Variants in GABRG1 observed in about 807,000 individuals in gnomAD.
The protein encoded by GABRG1 is gamma-aminobutyric acid receptor subunit gamma-1.
GABRG1 carries 49 observed loss-of-function variants against 49.8 expected under a neutral mutation model. The observed-to-expected ratio is 0.98, with a 90% CI of 0.78 to 1.25. GABRG1 has a LOEUF of 1.25. Ranked by LOEUF, GABRG1 falls within the 50% of genes most tolerant of loss-of-function variation. The probability of loss-of-function intolerance (pLI) is 0.00; values close to 1 mark genes in which losing one functional copy is unlikely to be tolerated. For synonymous variants in GABRG1, 232 were observed against 185.1 expected, an observed-to-expected ratio of 1.25 and a Z score of -2.06; for missense variants, 552 against 552.3, an observed-to-expected ratio of 1.00 and a Z score of 0.01.
intron 5 of GABRG1, among the ~76,000 whole-genome samples, chr4:46,062,267 G>T (rs955662972): frequency 1.3e-5 from 2 of 151,748 alleles, no homozygotes; most frequent in Non-Finnish European, 2.9e-5. Flanking sequence ...TCTTAATCCA[G>T]TCTATCATTG....
intron 3 of GABRG1, among the ~76,000 whole-genome samples, chr4:46,067,016 A>C (rs1718943779): frequency 6.6e-6 from 1 of 151,868 alleles, no homozygotes; most frequent in Non-Finnish European, 1.5e-5. Context: ...GATTACTTGC[A>C]CTTGATGTCG....
chr4:46,047,665 ATTGTTATTT>A, intron 8 of GABRG1, among the ~76,000 whole-genome samples: 1 of 151,990 alleles, frequency 6.6e-6, no homozygotes, highest in South Asian at 2.1e-4. Flanking sequence ...AAATAAAAAT[ATTGTTATTT>A]AAAAATAATA....
chr4:46,070,158 T>C (rs1719064208), intron 3 of GABRG1, among the ~76,000 whole-genome samples: 1 of 151,946 alleles, frequency 6.6e-6, no homozygotes, highest in Non-Finnish European at 1.5e-5. Context: ...AATTACCAAT[T>C]TCCAATGATT....
At chr4:46,089,935 G>C (rs1354087277) in intron 2 of GABRG1, among the ~76,000 whole-genome samples, 1 of 152,024 alleles carries the variant, frequency 6.6e-6, no homozygotes, top group East Asian at 1.9e-4. Context: ...CTGCACTCCA[G>C]CCTGGATGAC....
intron 8 of GABRG1, among the ~76,000 whole-genome samples, chr4:46,049,497 A>G (rs1470563612): frequency 6.6e-6 from 1 of 151,924 alleles, no homozygotes; most frequent in Non-Finnish European, 1.5e-5. Context: ...TTTGGTACTC[A>G]AGTAGTCAAT....
rs1233092971 is a variant in GABRG1 at position 46,051,532 on chromosome 4, G to A, written c.1023C>T (p.Phe341=). Residue 341 remains phenylalanine, a synonymous_variant, in exon 8 of 9, where the codon TTC becomes TTT. Transcript: ENST00000295452. ...TAMDLFVSVC[F]IFVFAALMEY... ...CCATCAAGGCTGCAAAAACAAAAAT[G>A]AAACAAACAGAAACAAAGAGATCCA... is the stretch of plus-strand genomic sequence containing the variant. The A allele has an allele frequency of 6.2e-7, 1 of 1,611,488 alleles. No individual in the cohort carries two copies. The highest frequency in any genetic ancestry group is 1.1e-5 in the South Asian group (1 of 91,006).
chr4:46,091,063 A>G, intron 2 of GABRG1, among the ~76,000 whole-genome samples: 1 of 151,704 alleles, frequency 6.6e-6, no homozygotes, highest in East Asian at 1.9e-4. Flanking sequence ...AATTGTACGT[A>G]TGTGATGTTG....
intron 8 of GABRG1, 142 bp downstream of exon 8, chr4:46,051,282 G>A (rs754967060): frequency 1.9e-5 from 12 of 618,308 alleles, no homozygotes; most frequent in Non-Finnish European, 3.1e-5. Context: ...AGCAATGTTA[G>A]GTACTCCAGT....
rs752046529 is a variant in GABRG1 at position 46,051,511 on chromosome 4, C to T, written c.1044G>A (p.Leu348=). 4.3e-6 allele frequency: 7 copies of T among 1,611,336 alleles called. No homozygotes were observed. In the East Asian group the frequency reaches 1.6e-4, roughly 36 times the overall value. Residue 348 remains leucine, a synonymous_variant, in exon 8 of 9, where the codon TTG becomes TTA. Transcript: ENST00000295452. The part of the protein sequence containing the change: ...SVCFIFVFAA[L]MEYGTLHYFT... ...AATAATGCAAGGTTCCATATTCCAT[C>T]AAGGCTGCAAAAACAAAAATGAAAC...
chr4:46,102,559 C>A (rs1720416279), intron 1 of GABRG1, among the ~76,000 whole-genome samples: 1 of 151,624 alleles, frequency 6.6e-6, no homozygotes, highest in Non-Finnish European at 1.5e-5. Flanking sequence ...GCATTTCTCT[C>A]TTACAAGTCT....
At chr4:46,089,963 C>T (rs1440864384) in intron 2 of GABRG1, among the ~76,000 whole-genome samples, 2 of 151,526 alleles carry the variant, frequency 1.3e-5, no homozygotes, top group Admixed American at 6.6e-5. Flanking sequence ...GACCATGCCT[C>T]AAAAAAATAA....
chr4:46,038,934 T>C lies in GABRG1; in HGVS notation c.*2054A>G, dbSNP rs1215635147. The stretch of plus-strand genomic sequence containing the variant: ...TATTTTTTTTCTTTTACATAGAACG[T>C]GGTTCAGAAGGAAAAGCTATTTATA... On this transcript the variant is annotated 3_prime_UTR_variant, in exon 9 of 9. Coordinates refer to ENST00000295452, the MANE Select transcript of GABRG1 (RefSeq NM_173536.4). The C allele has an allele frequency of 1.3e-5, 2 of 151,704 alleles. No individual in the cohort carries two copies. The highest frequency in any genetic ancestry group is 1.3e-4 in the Admixed American group (2 of 15,192). 9.4% of individuals were successfully genotyped at this position (151,704 alleles called of 1,614,324 possible).
At chr4:46,054,111 T>G (rs1718351093) in intron 7 of GABRG1, among the ~76,000 whole-genome samples, 1 of 57,216 alleles carries the variant, frequency 1.7e-5, no homozygotes, top group South Asian at 4.4e-4. Flanking sequence ...GGGAATCCTT[T>G]CCCCATTGCT....
rs1208967173 is a variant in GABRG1, at chr4:46,037,409, A to G, written c.*3579T>C. The G allele has an allele frequency of 6.6e-6, 1 of 151,824 alleles. No individual in the cohort carries two copies. Among genetic ancestry groups the G allele is most frequent in the Non-Finnish European group, 1.5e-5 (1 of 67,856 alleles). The allele number at this position is 151,824 out of a possible 1,614,324, so 9.4% of individuals were successfully genotyped here. ...CAAGACCTTCCTAGCAGTAAAAAGC[A>G]ATAAAGAATGACCAACAAAAATGGA... On this transcript the variant is annotated 3_prime_UTR_variant, in exon 9 of 9. Transcript: ENST00000295452.
At chr4:46,079,195 G>A (rs1222452237) in intron 3 of GABRG1, among the ~76,000 whole-genome samples, 1 of 151,512 alleles carries the variant, frequency 6.6e-6, no homozygotes, top group African/African-American at 2.4e-5. Context: ...TCTGTCATTT[G>A]CTAAGTTAGC....
chr4:46,106,889 A>G (rs1720566286), intron 1 of GABRG1, among the ~76,000 whole-genome samples: 1 of 151,144 alleles, frequency 6.6e-6, no homozygotes, highest in Non-Finnish European at 1.5e-5. Context: ...TCCAGCTCCA[A>G]ACGCAACTAC....
chr4:46,049,652 A>G (rs1013726422), intron 8 of GABRG1, among the ~76,000 whole-genome samples: 1 of 151,976 alleles, frequency 6.6e-6, no homozygotes, highest in African/African-American at 2.4e-5. Flanking sequence ...TGGATTAAAA[A>G]TAGTAACTAT....
chr4:46,056,588 C>T (rs934215655), intron 7 of GABRG1, among the ~76,000 whole-genome samples: 1 of 152,048 alleles, frequency 6.6e-6, no homozygotes, highest in Non-Finnish European at 1.5e-5. Context: ...TTATTGTATG[C>T]CTTTTACATT....
At chr4:46,116,411 C>A (rs1382008002) in intron 1 of GABRG1, among the ~76,000 whole-genome samples, 1 of 150,744 alleles carries the variant, frequency 6.6e-6, no homozygotes, top group African/African-American at 2.4e-5. Context: ...ATCGTGGTGA[C>A]ATTCACACTC....
Sources: gnomAD v4.1 joint callset for allele counts (sites outside exome capture counted in the v4.1 genomes callset) on GRCh38, gnomAD v4.1.1 for gene constraint, MANE v1.5 for transcripts, NCBI Gene and HGNC (gene_info 2026-07-23, HGNC 2026-07-21) for gene names.